The following WDFY4 variants were observed in gnomAD, a reference collection of about 807,000 sequenced individuals.
The protein encoded by WDFY4 is WDFY family member 4, also known as WD repeat- and FYVE domain-containing protein 4.
Under a neutral mutation model 351.9 loss-of-function variants are expected in WDFY4, and 169 were observed. That is an observed-to-expected ratio of 0.48 (90% CI 0.42 to 0.55). WDFY4 has a LOEUF of 0.55. Among genes scored for constraint, WDFY4 ranks in the 20% least tolerant of loss-of-function variants. The probability of loss-of-function intolerance (pLI) is 0.00; values close to 1 mark genes in which losing one functional copy is unlikely to be tolerated. For missense variants in WDFY4, 3,803 were observed against 3,935.6 expected (o/e 0.97, Z 0.90); for synonymous variants, 1,622 against 1,574.6 (o/e 1.03, Z -0.71).
At chr10:48,931,737 A>T (rs1010404891) in intron 47 of WDFY4, among the ~76,000 whole-genome samples, 1 of 152,238 alleles carries the variant, frequency 6.6e-6, no homozygotes, top group African/African-American at 2.4e-5. Context: ...AACTTTTCCT[A>T]AATTCAGATT....
intron 47 of WDFY4, chr10:48,913,432 A>G: frequency 6.2e-7 from 1 of 1,612,594 alleles, no homozygotes; most frequent in Non-Finnish European, 8.5e-7. Flanking sequence ...GAATTGGGTG[A>G]GATCAGATTG....
At chr10:48,960,311 C>T (rs1276054608) in intron 53 of WDFY4, among the ~76,000 whole-genome samples, 4 of 152,164 alleles carry the variant, frequency 2.6e-5, no homozygotes, top group African/African-American at 7.2e-5. Flanking sequence ...ACATGAAAGA[C>T]GTTCAACATC....
At chr10:48,704,091 T>G (rs1275496945) in intron 1 of WDFY4, among the ~76,000 whole-genome samples, 5 of 152,040 alleles carry the variant, frequency 3.3e-5, no homozygotes, top group African/African-American at 1.2e-4. Context: ...TGGGCTCCTG[T>G]GGGGGTCCCT....
At chr10:48,976,638 G>A in intron 58 of WDFY4, 159 bp from the exon 59 acceptor site, 1 of 507,764 alleles carries the variant, frequency 2.0e-6, no homozygotes, top group Non-Finnish European at 3.1e-6. Context: ...AAACACAGCA[G>A]ACCTGTAAGT....
At chr10:48,844,900 A>C (rs1446484457) in intron 39 of WDFY4, among the ~76,000 whole-genome samples, 6 of 152,222 alleles carry the variant, frequency 3.9e-5, no homozygotes, top group Admixed American at 3.9e-4. Context: ...TACATAAAGA[A>C]ATCTGAAAGA....
rs1463143886 is a variant in WDFY4, at chr10:48,769,399, T to C, written c.2554-5059T>C. 5.9e-5 allele frequency among the ~76,000 whole-genome samples: 9 copies of C among 152,336 alleles called. No homozygotes were observed. The East Asian group carries it at 1.7e-3, about 29-fold the overall frequency. On this transcript the variant is annotated intron_variant, in intron 13 of 61. Coordinates refer to ENST00000325239, the MANE Select transcript of WDFY4 (RefSeq NM_001394531.1). ...TAACTTGTCAAGTAAAGCTCATCCG[T>C]AGGCCCCATTTATTGCTGGCATTTC...
At chr10:48,779,474 A>G (rs2066147438) in intron 18 of WDFY4, among the ~76,000 whole-genome samples, 1 of 152,148 alleles carries the variant, frequency 6.6e-6, no homozygotes, top group Non-Finnish European at 1.5e-5. Context: ...AAACATTGGG[A>G]GGCCCTATGA....
At chr10:48,892,495 C>T (rs961001447) in intron 44 of WDFY4, among the ~76,000 whole-genome samples, 1 of 152,176 alleles carries the variant, frequency 6.6e-6, no homozygotes, top group African/African-American at 2.4e-5. Flanking sequence ...GTCACCATAC[C>T]TCAAAGAAGC....
At chr10:48,869,793 C>T (rs1430676033) in intron 40 of WDFY4, among the ~76,000 whole-genome samples, 1 of 152,178 alleles carries the variant, frequency 6.6e-6, no homozygotes, top group Non-Finnish European at 1.5e-5. Context: ...CCTGACAACT[C>T]AGAAATGGCC....
intron 13 of WDFY4, among the ~76,000 whole-genome samples, chr10:48,764,236 G>A (rs976746603): frequency 6.6e-6 from 1 of 152,150 alleles, no homozygotes; most frequent in Non-Finnish European, 1.5e-5. Context: ...TGATGGCCAC[G>A]TTACATTTGT....
At position 48,729,526 on chromosome 10, in the gene WDFY4, A is replaced by G; in HGVS notation, c.1066A>G (p.Lys356Glu). Residue 356 changes from lysine to glutamate, a missense_variant, in exon 8 of 62, where the codon AAG (lysine) becomes GAG (glutamate). Lys to Glu is a moderately conservative substitution (Grantham distance 56). Around this residue, in one of 3 missense-constraint regions of WDFY4, gnomAD observed 488 missense variants for 456.8 expected, o/e 1.07. Coordinates refer to ENST00000325239, the MANE Select transcript of WDFY4 (RefSeq NM_001394531.1). ...GACAACCTGTGGGAGGTCAGAGCTG[A>G]AGGTGTTTGACAGCATCACTTACCC... is the stretch of plus-strand genomic sequence containing the variant. The part of the protein sequence containing the change: ...WLTTCGRSEL[K>E]VFDSITYPQL... 2 of 1,551,720 alleles carry G rather than the reference A, an allele frequency of 1.3e-6. No homozygotes were observed.
chr10:48,859,161 T>C (rs2069248016), intron 39 of WDFY4, among the ~76,000 whole-genome samples: 1 of 152,192 alleles, frequency 6.6e-6, no homozygotes. Context: ...TCAGGGTATC[T>C]ACAAATAGGG....
At position 48,964,011 on chromosome 10, in the gene WDFY4, C is replaced by T; in HGVS notation, c.8393C>T (p.Thr2798Ile). ...SSITDPLIKS[T>I]ILGFVSNFGQ... ...ATCACTGACCCCCTCATCAAAAGCA[C>T]CATCCTGGGGTTTGTCAGCAACTTT... is the stretch of plus-strand genomic sequence containing the variant. The change falls in exon 54 of 62, where the codon ACC becomes ATC. Residue 2798 changes from threonine to isoleucine, a missense_variant. Thr to Ile is a moderately conservative substitution (Grantham distance 89). Coordinates refer to ENST00000325239, the MANE Select transcript of WDFY4 (RefSeq NM_001394531.1). 1 of 1,550,286 alleles carries T rather than the reference C, an allele frequency of 6.5e-7. No individual in the cohort carries two copies. Among genetic ancestry groups the T allele is most frequent in the Non-Finnish European group, 8.7e-7 (1 of 1,146,986 alleles).
chr10:48,777,531 C>T (rs2066073526), intron 17 of WDFY4, 36 bp downstream of exon 17: 1 of 1,527,886 alleles, frequency 6.5e-7, no homozygotes, highest in Non-Finnish European at 8.9e-7. Flanking sequence ...GCTCTCCATC[C>T]CTTCCAAAGT....
In WDFY4 at chr10:48,779,585, G is replaced by C. The variant is rs375066498; in HGVS notation, c.3398-356G>C. The stretch of plus-strand genomic sequence containing the variant: ...AGTCTCTGTGGAGGTAGTCTACCTT[G>C]GGATAGACCTGAAGCCTGGCTTCTG... On this transcript the variant is annotated intron_variant, in intron 18 of 61. Transcript: ENST00000325239. Among the ~76,000 whole-genome samples, 327 of 152,300 alleles carry C rather than the reference G, an allele frequency of 2.1e-3. 2 individuals are homozygous for C. The highest frequency in any genetic ancestry group is 7.4e-3 in the African/African-American group (307 of 41,554).
intron 11 of WDFY4, among the ~76,000 whole-genome samples, chr10:48,740,238 T>C (rs1327331077): frequency 6.6e-6 from 1 of 152,184 alleles, no homozygotes; most frequent in Non-Finnish European, 1.5e-5. Context: ...CAGGCATAGG[T>C]CAGGTTCAGA....
chr10:48,960,512 AT>A (rs926839192), intron 53 of WDFY4, among the ~76,000 whole-genome samples: 2 of 152,202 alleles, frequency 1.3e-5, no homozygotes, highest in Non-Finnish European at 2.9e-5. Flanking sequence ...AAGCTTGGTA[AT>A]TTTTTTAAAA....
chr10:48,856,359 C>A (rs367984361), intron 39 of WDFY4, among the ~76,000 whole-genome samples: 2 of 152,252 alleles, frequency 1.3e-5, no homozygotes, highest in African/African-American at 4.8e-5. Context: ...TACTACCTGT[C>A]AGATTGATAA....
chr10:48,927,092 G>A (rs997923619), intron 47 of WDFY4, among the ~76,000 whole-genome samples: 4 of 152,188 alleles, frequency 2.6e-5, no homozygotes, highest in African/African-American at 4.8e-5. Flanking sequence ...TATCAGGGGC[G>A]GCTGTATGCA....
Sources: allele counts gnomAD v4.1 joint callset (sites outside exome capture counted in the v4.1 genomes callset), GRCh38; gene constraint gnomAD v4.1.1; regional missense constraint gnomAD v4.1.1; transcripts MANE v1.5; gene names NCBI Gene and HGNC (gene_info 2026-07-23, HGNC 2026-07-21).